The following DKK3 variants were observed in gnomAD, a reference collection of about 807,000 sequenced individuals.
DKK3 encodes dickkopf-related protein 3.
A neutral mutation model predicts 33.2 loss-of-function variants in DKK3; 22 were observed. The observed-to-expected ratio is 0.66, with a 90% CI of 0.47 to 0.95. The LOEUF (loss-of-function observed/expected upper bound fraction) is 0.95, where lower values mean the gene tolerates loss of function less well. Ranked by LOEUF, DKK3 falls within the 40% of genes least tolerant of loss-of-function variation. DKK3 has a pLI of 0.00. For missense variants in DKK3, 398 were observed against 458.4 expected (o/e 0.87, Z 1.20); for synonymous variants, 194 against 188.8 (o/e 1.03, Z -0.23).
chr11:11,965,027 C>T (rs765042665), intron 6 of DKK3, among the ~76,000 whole-genome samples: 2 of 152,138 alleles, frequency 1.3e-5, no homozygotes, highest in African/African-American at 2.4e-5. Context: ...GGCCTCCAGG[C>T]AGGAGTCAGC....
In DKK3 at chr11:11,964,636, T is replaced by G; in HGVS notation, c.881A>C (p.Gln294Pro). The part of the protein sequence containing the change: ...CKPTFVGSRD[Q>P]DGEILLPREV... ...TCTGGGCAGCAGGATCTCCCCATCT[T>G]GGTCACGGCTCCCCACGAAGGTCGG... The change falls in exon 7 of 7, where the codon CAA becomes CCA. Residue 294 changes from glutamine (Q) to proline (P), a missense_variant. Physicochemically the swap from Gln to Pro is moderately conservative, Grantham distance 76. Coordinates refer to ENST00000683431, the MANE Select transcript of DKK3 (RefSeq NM_001018057.2). 3 of 1,614,132 alleles carry G rather than the reference T, an allele frequency of 1.9e-6. No homozygotes were observed. Among genetic ancestry groups the G allele is most frequent in the Non-Finnish European group, 2.5e-6 (3 of 1,180,030 alleles).
At position 11,998,695 on chromosome 11, in the gene DKK3, C is replaced by A. The variant is rs376911045; in HGVS notation, c.435+1G>T. Reference sequence around the variant, plus strand: ...CAAGTACAGGGGAAATGACAACTTACGTGGCTCCTTCTGCCTTCTTCGTCT... The same window carrying A: ...CAAGTACAGGGGAAATGACAACTTAAGTGGCTCCTTCTGCCTTCTTCGTCT... On this transcript the variant is annotated splice_donor_variant, in intron 3 of 6. Coordinates refer to ENST00000683431, the MANE Select transcript of DKK3 (RefSeq NM_001018057.2). LOFTEE classifies it high-confidence loss of function. The A allele has an allele frequency of 3.7e-6, 6 of 1,613,436 alleles. No individual in the cohort carries two copies. The South Asian group carries it at 5.5e-5, about 15-fold the overall frequency.
chr11:11,973,677 G>A (rs1294443008), intron 3 of DKK3, among the ~76,000 whole-genome samples: 3 of 152,344 alleles, frequency 2.0e-5, no homozygotes, highest in East Asian at 1.9e-4. Context: ...TGGCGGGAGC[G>A]AGGGCTGACC....
chr11:12,009,297 GGGGTGCGGCAGCGCCGGTACCCGA>G, upstream of DKK3: 1 of 983,436 alleles, frequency 1.0e-6, no homozygotes, highest in Non-Finnish European at 1.2e-6. Context: ...GGAGCGCGGC[GGGGTGCGGCAGCGCCGGTACCCGA>G]GGGAGCCCGC....
chr11:11,997,437 CTG>C (rs1290478529), intron 3 of DKK3, among the ~76,000 whole-genome samples: 1 of 152,212 alleles, frequency 6.6e-6, no homozygotes, highest in Admixed American at 6.5e-5. Flanking sequence ...TCGCTTTCTT[CTG>C]TCTCTTCCCA....
chr11:11,996,486 C>T (rs764712713), intron 3 of DKK3, among the ~76,000 whole-genome samples: 44 of 152,258 alleles, frequency 2.9e-4, no homozygotes, highest in Non-Finnish European at 3.7e-4. Flanking sequence ...TAGTGAGGCA[C>T]ACATGCCACA....
At chr11:11,968,272 G>T in intron 4 of DKK3, 123 bp downstream of exon 4, 3 of 848,640 alleles carry the variant, frequency 3.5e-6, no homozygotes, top group Non-Finnish European at 5.3e-6. Context: ...AGCCCTCTTG[G>T]GTCCTCCCCA....
intron 5 of DKK3, 122 bp from the exon 6 acceptor site, chr11:11,966,087 G>T: frequency 8.3e-7 from 1 of 1,202,736 alleles, no homozygotes; most frequent in Non-Finnish European, 1.1e-6. Flanking sequence ...GTGCAGGCTA[G>T]TTTTGAAGAT....
intron 1 of DKK3, among the ~76,000 whole-genome samples, chr11:12,004,590 T>C (rs1224070406): frequency 6.6e-6 from 1 of 152,156 alleles, no homozygotes; most frequent in Non-Finnish European, 1.5e-5. Context: ...TGGGTTCAAG[T>C]CCTGGCTCTG....
In DKK3 at chr11:11,964,832, G is replaced by A. The variant is rs146382567; in HGVS notation, c.831-146C>T. 9.7e-4 allele frequency: 1,394 copies of A among 1,436,246 alleles called. 8 individuals are homozygous for A. In the African/African-American group the frequency reaches 0.016, roughly 16 times the overall value. The allele number at this position is 1,436,246 out of a possible 1,614,324, so 89.0% of individuals were successfully genotyped here. A position where few individuals can be genotyped will look rare whatever the true frequency, so the allele number is the denominator to read the frequency against. ...CTTCAACAGAGACACTTCACTTCCC[G>A]TCAACATCTATCTTAAAATGATGGC... On this transcript the variant is annotated intron_variant, in intron 6 of 6. Transcript: ENST00000683431.
chr11:11,983,348 G>A (rs1339067868), intron 3 of DKK3, among the ~76,000 whole-genome samples: 1 of 152,210 alleles, frequency 6.6e-6, no homozygotes, highest in Non-Finnish European at 1.5e-5. Flanking sequence ...ACAGTCCCTA[G>A]GCACATGGAC....
intron 3 of DKK3, among the ~76,000 whole-genome samples, chr11:11,986,534 T>C (rs969229545): frequency 1.3e-5 from 2 of 152,174 alleles, no homozygotes; most frequent in Non-Finnish European, 2.9e-5. Context: ...TTTTGTGATG[T>C]TGGTTTTCCA....
rs141449730 is a variant in DKK3 at position 11,998,021 on chromosome 11, T to C, written c.435+675A>G. Among the ~76,000 whole-genome samples the C allele has an allele frequency of 4.1e-3, 621 of 152,294 alleles. 3 individuals are homozygous for C. Among genetic ancestry groups the C allele is most frequent in the African/African-American group, 0.014 (574 of 41,562 alleles). On this transcript the variant is annotated intron_variant, in intron 3 of 6. Transcript: ENST00000683431. Reference sequence around the variant, plus strand: ...CGTGTGCATCCGAAGCCAGCACATCTTTGGGAAGATGAAGTGCAGTTGAGC... The same window carrying C: ...CGTGTGCATCCGAAGCCAGCACATCCTTGGGAAGATGAAGTGCAGTTGAGC...
At position 11,995,808 on chromosome 11, in the gene DKK3, G is replaced by A. The variant is rs966988030; in HGVS notation, c.435+2888C>T. Among the ~76,000 whole-genome samples, 49 of 152,340 alleles carry A rather than the reference G, an allele frequency of 3.2e-4. No individual in the cohort carries two copies. In the East Asian group the frequency reaches 6.0e-3, roughly 19 times the overall value. ...AGCACAAAAGCCTCACAACAAAGAC[G>A]TCAGACCACATCCCCATCAGCCGAT... On this transcript the variant is annotated intron_variant, in intron 3 of 6. Transcript: ENST00000683431.
chr11:11,968,531 G>A (rs370066748), intron 3 of DKK3, 44 bp from the exon 4 acceptor site: 32 of 1,577,822 alleles, frequency 2.0e-5, no homozygotes, highest in Non-Finnish European at 2.7e-5. Context: ...GGAGAGCAGA[G>A]CAGCAGGCCC....
intron 3 of DKK3, among the ~76,000 whole-genome samples, chr11:11,980,293 T>C (rs1847928565): frequency 6.6e-6 from 1 of 152,242 alleles, no homozygotes; most frequent in African/African-American, 2.4e-5. Context: ...AGAATTTAGT[T>C]AGCAAGATTG....
At chr11:11,980,327 C>A (rs1281780771) in intron 3 of DKK3, among the ~76,000 whole-genome samples, 1 of 152,240 alleles carries the variant, frequency 6.6e-6, no homozygotes, top group Non-Finnish European at 1.5e-5. Context: ...GTCTCTGAAT[C>A]TGCAGGGCTT....
At chr11:12,005,257 A>T (rs1260378661) in intron 1 of DKK3, among the ~76,000 whole-genome samples, 3 of 152,222 alleles carry the variant, frequency 2.0e-5, no homozygotes, top group Non-Finnish European at 4.4e-5. Flanking sequence ...ACGGTTCTTA[A>T]ATGGCACCAT....
In DKK3 at chr11:11,964,248, A is replaced by G. The variant is rs929487076; in HGVS notation, c.*216T>C. 4 of 625,998 alleles carry G rather than the reference A, an allele frequency of 6.4e-6. No individual in the cohort carries two copies. The highest frequency in any genetic ancestry group is 1.1e-5 in the Non-Finnish European group (4 of 365,190). The allele number at this position is 625,998 out of a possible 1,614,324, so 38.8% of individuals were successfully genotyped here. On this transcript the variant is annotated 3_prime_UTR_variant, in exon 7 of 7. Transcript: ENST00000683431. ...GGTGGCAAACTGCTCCTGCAGTTTA[A>G]CCCTGCCTGACTCTCCCAAGCACCA...
Sources: allele counts gnomAD v4.1 joint callset (sites outside exome capture counted in the v4.1 genomes callset), GRCh38; gene constraint gnomAD v4.1.1; transcripts MANE v1.5; gene names NCBI Gene and HGNC (gene_info 2026-07-23, HGNC 2026-07-21).